SCAF4: variants seen among roughly 807,000 people sequenced by gnomAD.
The protein encoded by SCAF4 is SR-related CTD associated factor 4, also known as SR-related and CTD-associated factor 4.
A neutral mutation model predicts 129.8 loss-of-function variants in SCAF4; 25 were observed. The ratio of observed to expected loss-of-function variants is 0.19; its 90% confidence interval spans 0.14 to 0.27. The LOEUF (loss-of-function observed/expected upper bound fraction) is 0.27. Among genes scored for constraint, SCAF4 ranks in the 10% least tolerant of loss-of-function variants. The pLI is 1.00. For synonymous variants in SCAF4, 551 were observed against 497.7 expected (o/e 1.11, Z -1.43); for missense variants, 1,246 against 1,457.1 (o/e 0.86, Z 2.36).
At chr21:31,700,743 T>A in intron 7 of SCAF4, 2 of 271,426 alleles carry the variant, frequency 7.4e-6, no homozygotes, top group East Asian at 1.5e-4. Context: ...AACTTTTTCT[T>A]TTTTTTTTTT....
rs2049749837 is a variant in SCAF4, at chr21:31,672,964, T to C, written c.2489-610A>G. 2.0e-5 allele frequency among the ~76,000 whole-genome samples: 3 copies of C among 152,226 alleles called. No individual in the cohort carries two copies. In the South Asian group the frequency reaches 6.2e-4, roughly 32 times the overall value. ...CAAAGATCCATACACAAATGTGAAG[T>C]TTACTGTTACAGTTCCTTTTTCAAG... On this transcript the variant is annotated intron_variant, in intron 19 of 19. Coordinates refer to ENST00000286835, the MANE Select transcript of SCAF4 (RefSeq NM_020706.2).
chr21:31,717,848 C>T (rs34490043), intron 1 of SCAF4, among the ~76,000 whole-genome samples: 1,343 of 89,198 alleles, frequency 0.015, 22 homozygotes, highest in African/African-American at 0.047. Flanking sequence ...TATATACACA[C>T]ACACACACAC....
intron 1 of SCAF4, among the ~76,000 whole-genome samples, chr21:31,719,170 A>G (rs1252817594): frequency 6.6e-6 from 1 of 152,072 alleles, no homozygotes; most frequent in Non-Finnish European, 1.5e-5. Flanking sequence ...CATGCCTGTA[A>G]TCCCAGCTAC....
intron 1 of SCAF4, 56 bp downstream of exon 1, chr21:31,731,607 A>G: frequency 6.4e-7 from 1 of 1,568,550 alleles, no homozygotes; most frequent in Non-Finnish European, 8.6e-7. Flanking sequence ...GGCGGGAGAA[A>G]CGAGCCCCGG....
chr21:31,723,812 T>C (rs968953645), intron 1 of SCAF4, among the ~76,000 whole-genome samples: 6 of 152,206 alleles, frequency 3.9e-5, no homozygotes, highest in South Asian at 4.1e-4. Context: ...ACTGGGATTA[T>C]TGACCCACAT....
In SCAF4 at chr21:31,685,087, A is replaced by G. The variant is rs1296730229; in HGVS notation, c.2450T>C (p.Leu817Pro). The G allele has an allele frequency of 6.2e-7, 1 of 1,612,922 alleles. No individual in the cohort carries two copies. Among genetic ancestry groups the G allele is most frequent in the Non-Finnish European group, 8.5e-7 (1 of 1,179,820 alleles). ...AGGCTGGGTTACAGGAGGGGTGGGCAGATTCGTGGGTGCAGCAGGTGGCAC... is the reference window on the plus strand; with the variant it reads ...AGGCTGGGTTACAGGAGGGGTGGGCGGATTCGTGGGTGCAGCAGGTGGCAC... Reference protein sequence around the residue: ...SAVPPAAPTNLPTPPVTQPVS... With the variant: ...SAVPPAAPTNPPTPPVTQPVS... Residue 817 changes from leucine (L) to proline (P), a missense_variant, in exon 19 of 20, where the codon CTG (leucine) becomes CCG (proline). By Grantham distance (98) the Leu-to-Pro change is moderately conservative. This residue lies in a region of SCAF4 where 468 missense variants were observed against 605.5 expected (regional missense o/e 0.77). Transcript: ENST00000286835.
intron 11 of SCAF4, 106 bp downstream of exon 11, chr21:31,694,098 T>G: frequency 1.6e-6 from 1 of 629,902 alleles, no homozygotes; most frequent in South Asian, 2.3e-5. Context: ...ACATACCAAC[T>G]GTTATTTTAC....
chr21:31,731,592 C>G, intron 1 of SCAF4, 71 bp downstream of exon 1: 8 of 1,543,226 alleles, frequency 5.2e-6, no homozygotes, highest in Non-Finnish European at 3.5e-6. Context: ...CTTTAAACCT[C>G]CGGCGGCGGG....
chr21:31,688,699 A>G (rs2050188237), intron 15 of SCAF4, among the ~76,000 whole-genome samples: 1 of 152,206 alleles, frequency 6.6e-6, no homozygotes, highest in African/African-American at 2.4e-5. Flanking sequence ...TTTAGTTCTC[A>G]CAACCATTTA....
At chr21:31,722,952 A>C (rs1037564454) in intron 1 of SCAF4, among the ~76,000 whole-genome samples, 45 of 149,552 alleles carry the variant, frequency 3.0e-4, no homozygotes, top group African/African-American at 1.1e-3. Context: ...GACTCCATCT[A>C]AAAAAAAAGT....
intron 1 of SCAF4, 63 bp downstream of exon 1, chr21:31,731,600 G>A: frequency 6.4e-7 from 1 of 1,556,208 alleles, no homozygotes. Flanking sequence ...CTCCGGCGGC[G>A]GGAGAAACGA....
intron 19 of SCAF4, chr21:31,684,700 G>A: frequency 3.9e-6 from 1 of 257,680 alleles, no homozygotes; most frequent in Non-Finnish European, 7.5e-6. Context: ...AAGAGACTAA[G>A]GTTAAGTGAA....
chr21:31,731,912 G>A lies in SCAF4; in HGVS notation c.-220C>T, dbSNP rs1197771115. The A allele has an allele frequency of 4.0e-6, 2 of 494,284 alleles. No individual in the cohort carries two copies. Among genetic ancestry groups the A allele is most frequent in the Non-Finnish European group, 7.0e-6 (2 of 285,650 alleles). 30.6% of individuals were successfully genotyped at this position (494,284 alleles called of 1,614,324 possible). On this transcript the variant is annotated 5_prime_UTR_variant, in exon 1 of 20. Transcript: ENST00000286835. Reference sequence around the variant, plus strand: ...GGGCCCCCTCTCAGTCCCGTTCGCAGGATGAGGAAAAGGAGGCGGCGGCAG... The same window carrying A: ...GGGCCCCCTCTCAGTCCCGTTCGCAAGATGAGGAAAAGGAGGCGGCGGCAG...
intron 6 of SCAF4, 94 bp from the exon 7 acceptor site, chr21:31,701,265 A>AGGCAC: frequency 8.8e-7 from 1 of 1,135,076 alleles, no homozygotes; most frequent in Non-Finnish European, 1.2e-6. Flanking sequence ...AGGTGATTCA[A>AGGCAC]AGTAGCATAG....
intron 2 of SCAF4, 43 bp downstream of exon 2, chr21:31,706,231 A>G (rs2050659515): frequency 1.5e-6 from 2 of 1,324,772 alleles, no homozygotes; most frequent in South Asian, 1.3e-5. Context: ...AATATTTTCA[A>G]AATTTCAAAA....
At chr21:31,698,661 A>G (rs879147658) in intron 7 of SCAF4, among the ~76,000 whole-genome samples, 24 of 152,204 alleles carry the variant, frequency 1.6e-4, no homozygotes, top group Admixed American at 2.0e-4. Flanking sequence ...GATTACTCTC[A>G]ATAATGAGTG....
In SCAF4 at chr21:31,671,498, C is replaced by T; in HGVS notation, c.3345G>A (p.Glu1115=). The change falls in exon 20 of 20, where the codon GAG becomes GAA. Residue 1115 remains glutamate (E), a synonymous_variant. Coordinates refer to ENST00000286835, the MANE Select transcript of SCAF4 (RefSeq NM_020706.2). ...CTTCAGAAGGCTTTAGGACTGCAGCCTCAGACACCCCCTTCTCAAGTTCTG... is the reference window on the plus strand; with the variant it reads ...CTTCAGAAGGCTTTAGGACTGCAGCTTCAGACACCCCCTTCTCAAGTTCTG... ...TASELEKGVS[E]AAVLKPSEEL... The T allele has an allele frequency of 6.2e-7, 1 of 1,614,184 alleles. No individual in the cohort carries two copies. Among genetic ancestry groups the T allele is most frequent in the Non-Finnish European group, 8.5e-7 (1 of 1,180,020 alleles).
chr21:31,675,644 C>T (rs1220503536), intron 19 of SCAF4, among the ~76,000 whole-genome samples: 1 of 152,132 alleles, frequency 6.6e-6, no homozygotes, highest in Non-Finnish European at 1.5e-5. Flanking sequence ...TTTAATACAG[C>T]GAGGCATTAG....
intron 1 of SCAF4, among the ~76,000 whole-genome samples, chr21:31,726,367 T>C (rs1245711637): frequency 6.6e-6 from 1 of 152,130 alleles, no homozygotes; most frequent in Non-Finnish European, 1.5e-5. Flanking sequence ...CTTTAAGAAT[T>C]TAAAAGGATC....
Sources: gnomAD v4.1 joint callset for allele counts (sites outside exome capture counted in the v4.1 genomes callset) on GRCh38, gnomAD v4.1.1 for gene constraint, gnomAD v4.1.1 regional missense constraint, MANE v1.5 for transcripts, NCBI Gene and HGNC (gene_info 2026-07-23, HGNC 2026-07-21) for gene names.